The following SDK2 variants were observed in gnomAD, a reference collection of about 807,000 sequenced individuals.
SDK2 encodes sidekick cell adhesion molecule 2, also known as protein sidekick-2.
Under a neutral mutation model 253.9 loss-of-function variants are expected in SDK2, and 105 were observed. The observed-to-expected ratio is 0.41, with a 90% CI of 0.35 to 0.49. SDK2 has a LOEUF of 0.49. SDK2 is among the 20% of genes least tolerant of loss of function. The pLI is 0.06. For synonymous variants in SDK2, 1,249 were observed against 1,234.9 expected (o/e 1.01, Z -0.24); for missense variants, 2,608 against 3,003.0 (o/e 0.87, Z 3.07).
intron 1 of SDK2, among the ~76,000 whole-genome samples, chr17:73,571,776 C>T (rs757053299): frequency 6.6e-6 from 1 of 152,204 alleles, no homozygotes; most frequent in Non-Finnish European, 1.5e-5. Context: ...GCCCTGCCCT[C>T]CCCTGCCCTC....
intron 36 of SDK2, among the ~76,000 whole-genome samples, chr17:73,371,485 A>G (rs992698288): frequency 7.9e-5 from 12 of 152,324 alleles, no homozygotes; most frequent in Non-Finnish European, 1.8e-4. Context: ...GATATGAGCA[A>G]CATGGGAATT....
At chr17:73,474,543 A>C (rs1319600502) in intron 2 of SDK2, among the ~76,000 whole-genome samples, 1 of 152,182 alleles carries the variant, frequency 6.6e-6, no homozygotes, top group Non-Finnish European at 1.5e-5. Flanking sequence ...CTGGCTGCCC[A>C]AGCCCCTTAT....
intron 3 of SDK2, among the ~76,000 whole-genome samples, chr17:73,457,944 A>G (rs2063539594): frequency 1.3e-5 from 2 of 152,074 alleles, no homozygotes; most frequent in Admixed American, 1.3e-4. Flanking sequence ...AGAGGTGAGA[A>G]TCTTTTGGGG....
At chr17:73,371,884 C>T (rs1464611128) in intron 36 of SDK2, among the ~76,000 whole-genome samples, 4 of 151,682 alleles carry the variant, frequency 2.6e-5, no homozygotes, top group Admixed American at 6.6e-5. Context: ...CACTTGAACC[C>T]GAGAGGTGGA....
At chr17:73,398,897 C>A (rs978067745) in intron 22 of SDK2, among the ~76,000 whole-genome samples, 1 of 152,076 alleles carries the variant, frequency 6.6e-6, no homozygotes, top group Admixed American at 6.6e-5. Flanking sequence ...ACAGCCAAGG[C>A]GGATATTTTT....
In SDK2 at chr17:73,447,689, C is replaced by T. The variant is rs895386002; in HGVS notation, c.539G>A (p.Arg180His). ...GTCGTTAACAGCCTGCACATAGTAGCGACCTGCGTCAGGGGCCACCGTTGA... is the reference window on the plus strand; with the variant it reads ...GTCGTTAACAGCCTGCACATAGTAGTGACCTGCGTCAGGGGCCACCGTTGA... Reference protein sequence around the residue: ...ILSTVAPDAGRYYVQAVNDKN... With the variant: ...ILSTVAPDAGHYYVQAVNDKN... Residue 180 changes from arginine (R) to histidine (H), a missense_variant, in exon 5 of 45, where the codon CGC becomes CAC. Transcript: ENST00000392650. This position sits in a 1 kb window ranked among gnomAD's most constrained non-coding sequence, Gnocchi z 4.0. The T allele has an allele frequency of 2.4e-5, 37 of 1,551,632 alleles. No individual in the cohort carries two copies. Among genetic ancestry groups the T allele is most frequent in the African/African-American group, 5.5e-5 (4 of 73,036 alleles).
intron 1 of SDK2, among the ~76,000 whole-genome samples, chr17:73,615,845 C>T (rs1473143695): frequency 1.3e-5 from 2 of 152,184 alleles, no homozygotes; most frequent in Non-Finnish European, 2.9e-5. Context: ...AATACACATA[C>T]ACACAATAAC....
At chr17:73,413,780 C>T (rs2063157964) in intron 18 of SDK2, among the ~76,000 whole-genome samples, 1 of 152,112 alleles carries the variant, frequency 6.6e-6, no homozygotes, top group South Asian at 2.1e-4. Context: ...AGTAGCTGCT[C>T]AATAAATATT....
rs2063520528 is a variant in SDK2, at chr17:73,455,646, T to C, written c.479+260A>G. On this transcript the variant is annotated intron_variant, in intron 4 of 44. Coordinates refer to ENST00000392650, the MANE Select transcript of SDK2 (RefSeq NM_001144952.2). The surrounding 1 kb of genome is among the most constrained non-coding windows in gnomAD (Gnocchi z 5.0). ...TTTTAAGTGCTCTGAAAAGCAGATT[T>C]ATTCTCCAGCTGATGGTGGAGGCAA... 6.6e-6 allele frequency among the ~76,000 whole-genome samples: 1 copy of C among 152,116 alleles called. No individual in the cohort carries two copies. Among genetic ancestry groups the C allele is most frequent in the Non-Finnish European group, 1.5e-5 (1 of 68,022 alleles).
At chr17:73,355,335 G>A (rs530024214) in intron 40 of SDK2, among the ~76,000 whole-genome samples, 10 of 148,762 alleles carry the variant, frequency 6.7e-5, no homozygotes, top group East Asian at 4.0e-4. Context: ...CCGCCACCAC[G>A]CCCGGCTAAC....
chr17:73,399,782 G>C (rs1017129154), intron 21 of SDK2, among the ~76,000 whole-genome samples: 1 of 152,166 alleles, frequency 6.6e-6, no homozygotes, highest in Non-Finnish European at 1.5e-5. Context: ...CAGGAATCCT[G>C]GGGCTCTTGG....
intron 1 of SDK2, among the ~76,000 whole-genome samples, chr17:73,611,444 G>A (rs1184281306): frequency 1.3e-5 from 2 of 152,220 alleles, no homozygotes; most frequent in African/African-American, 2.4e-5. Context: ...CAAGGCTGGG[G>A]CCCGCCTCTG....
chr17:73,552,905 C>T (rs1196341285), intron 1 of SDK2, among the ~76,000 whole-genome samples: 5 of 152,366 alleles, frequency 3.3e-5, no homozygotes, highest in South Asian at 2.1e-4. Flanking sequence ...CTCTGGCTGG[C>T]GCTCAGAGAT....
intron 36 of SDK2, among the ~76,000 whole-genome samples, chr17:73,369,005 C>T (rs2062711230): frequency 6.9e-6 from 1 of 144,952 alleles, no homozygotes; most frequent in African/African-American, 2.7e-5. Context: ...GAGCAAGACT[C>T]CATCTCAAAA....
At chr17:73,622,492 T>C (rs62063622) in intron 1 of SDK2, among the ~76,000 whole-genome samples, 29,454 of 152,186 alleles carry the variant, frequency 0.19, 3,374 homozygotes, top group South Asian at 0.27. Context: ...AGGAAAGTAA[T>C]AGTTCCCAGT....
chr17:73,395,433 C>T lies in SDK2; in HGVS notation c.3355-41G>A, dbSNP rs763368278. The T allele has an allele frequency of 1.6e-5, 25 of 1,545,662 alleles. No homozygotes were observed. The highest frequency in any genetic ancestry group is 2.7e-5 in the African/African-American group (2 of 73,486). ...GGTGGCAAAGCTGCTATGAGCCAGG[C>T]CCCCCACTGTGCAGGGAGGAACTGC... On this transcript the variant is annotated intron_variant, in intron 24 of 44. Transcript: ENST00000392650. This position sits in a 1 kb window ranked among gnomAD's most constrained non-coding sequence, Gnocchi z 4.3.
At position 73,338,818 on chromosome 17, in the gene SDK2, C is replaced by T. The variant is rs921698330; in HGVS notation, c.6288G>A (p.Arg2096=). The change falls in exon 45 of 45, where the codon AGG becomes AGA. Residue 2096 remains arginine, a synonymous_variant. Transcript: ENST00000392650. The surrounding 1 kb of genome is among the most constrained non-coding windows in gnomAD (Gnocchi z 5.0). ...TCTCCGTGTAGCTGTAGGCCTGTGCCCTCGAGATGCCCTTCTGCTGTCGCC... is the reference window on the plus strand; with the variant it reads ...TCTCCGTGTAGCTGTAGGCCTGTGCTCTCGAGATGCCCTTCTGCTGTCGCC... ...SWRRQQKGIS[R]AQAYSYTESD... The T allele has an allele frequency of 1.2e-6, 2 of 1,613,928 alleles. No individual in the cohort carries two copies. Among genetic ancestry groups the T allele is most frequent in the Non-Finnish European group, 1.7e-6 (2 of 1,179,884 alleles).
At chr17:73,466,954 T>C (rs2063604661) in intron 3 of SDK2, among the ~76,000 whole-genome samples, 1 of 152,148 alleles carries the variant, frequency 6.6e-6, no homozygotes, top group African/African-American at 2.4e-5. Context: ...ATCCACGCTT[T>C]CGGACCTCCA....
intron 15 of SDK2, among the ~76,000 whole-genome samples, chr17:73,421,774 T>G (rs8064271): frequency 0.025 from 3,758 of 152,064 alleles, 162 homozygotes; most frequent in African/African-American, 0.085. Context: ...TTGGCCAGGC[T>G]GGTTTCGAAC....
Sources: allele counts gnomAD v4.1 joint callset (sites outside exome capture counted in the v4.1 genomes callset), GRCh38; gene constraint gnomAD v4.1.1; non-coding constraint Gnocchi (gnomAD v3.1); transcripts MANE v1.5; gene names NCBI Gene and HGNC (gene_info 2026-07-23, HGNC 2026-07-21).